TUBB8: variants seen among roughly 807,000 people sequenced by gnomAD.
The protein encoded by TUBB8 is tubulin beta-8 chain.
TUBB8 carries 25 observed loss-of-function variants against 33.7 expected under a neutral mutation model. The observed-to-expected ratio is 0.74, with a 90% confidence interval of 0.54 to 1.04. TUBB8 has a LOEUF of 1.04. TUBB8 is among the 50% of genes least tolerant of loss of function. TUBB8 has a pLI of 0.00. For synonymous variants in TUBB8, 245 were observed against 240.1 expected (o/e 1.02, Z -0.19); for missense variants, 279 against 608.0 (o/e 0.46, Z 5.69).
chr10:55,909 C>A (rs1834524615), intron 1 of TUBB8, among the ~76,000 whole-genome samples: 2 of 152,218 alleles, frequency 1.3e-5, no homozygotes, highest in East Asian at 1.9e-4. Context: ...TAATTTAAAA[C>A]CAGGTAATGG....
upstream of TUBB8, among the ~76,000 whole-genome samples, chr10:53,269 A>G (rs1834490959): frequency 3.3e-5 from 5 of 152,332 alleles, 2 homozygotes; most frequent in South Asian, 1.0e-3. Context: ...CTGGGATTAC[A>G]GGCATGAATC....
chr10:50,791 G>A (rs1346128047), upstream of TUBB8, among the ~76,000 whole-genome samples: 2 of 152,208 alleles, frequency 1.3e-5, no homozygotes, highest in African/African-American at 4.8e-5. Context: ...TGCTGAGGTC[G>A]AAGCCAGCAA....
chr10:57,714 T>C (rs1325402389), intron 1 of TUBB8, among the ~76,000 whole-genome samples: 1 of 152,220 alleles, frequency 6.6e-6, no homozygotes, highest in African/African-American at 2.4e-5. Flanking sequence ...GAAACTATTC[T>C]CTTCTTTTAG....
At chr10:71,388 C>T (rs1554742300) in intron 1 of TUBB8, among the ~76,000 whole-genome samples, 2 of 152,072 alleles carry the variant, frequency 1.3e-5, no homozygotes, top group African/African-American at 2.4e-5. Context: ...ATCCCCAGCA[C>T]TTTGGGGAGG....
At chr10:74,381 C>G (rs1246283392), upstream of TUBB8, among the ~76,000 whole-genome samples, 1 of 151,402 alleles carries the variant, frequency 6.6e-6, no homozygotes, top group Non-Finnish European at 1.5e-5. Flanking sequence ...AATCCCAGTA[C>G]TTTGGGAGGC....
chr10:73,624 C>CCG (rs1834766830), intron 1 of TUBB8, among the ~76,000 whole-genome samples: 1 of 150,598 alleles, frequency 6.6e-6, no homozygotes, highest in African/African-American at 2.4e-5. Context: ...ACCTGGGAAA[C>CCG]AAGAGCGAAA....
At chr10:53,584 C>A (rs1834494305), upstream of TUBB8, among the ~76,000 whole-genome samples, 2 of 152,164 alleles carry the variant, frequency 1.3e-5, no homozygotes, top group Admixed American at 1.3e-4. Flanking sequence ...TTTAGTAAGG[C>A]CATACCTCTT....
intron 1 of TUBB8, among the ~76,000 whole-genome samples, chr10:56,847 C>T (rs781761361): frequency 7.2e-5 from 11 of 152,300 alleles, no homozygotes; most frequent in African/African-American, 2.6e-4. Context: ...ATCATGACAT[C>T]CCAATAATCC....
chr10:59,908 G>A (rs1834576209), intron 1 of TUBB8, among the ~76,000 whole-genome samples: 2 of 151,940 alleles, frequency 1.3e-5, no homozygotes, highest in Admixed American at 6.6e-5. Context: ...CTAATTTGTT[G>A]GCATACAATT....
At chr10:70,264 T>G (rs1834719408) in intron 1 of TUBB8, among the ~76,000 whole-genome samples, 1 of 85,840 alleles carries the variant, frequency 1.2e-5, no homozygotes, top group Non-Finnish European at 2.7e-5. Context: ...GTTGTTGTTT[T>G]GTTTTGTTTT....
chr10:47,316 C>T lies in TUBB8; in HGVS notation c.1076G>A (p.Arg359Gln), dbSNP rs782110615. The part of the protein sequence containing the change: ...VKTAVCDIPP[R>Q]GLKMSATFIG... ...GAAGGTGGCTGACATTTTTAGCCCCCGGGGTGGGATGTCACAGACGGCTGT... is the reference window on the plus strand; with the variant it reads ...GAAGGTGGCTGACATTTTTAGCCCCTGGGGTGGGATGTCACAGACGGCTGT... The change falls in exon 4 of 4, where the codon CGG becomes CAG. Residue 359 changes from arginine (R) to glutamine (Q), a missense_variant. Transcript: ENST00000568584. The T allele has an allele frequency of 5.6e-6, 9 of 1,613,524 alleles. No homozygotes were observed. Among genetic ancestry groups the T allele is most frequent in the South Asian group, 3.3e-5 (3 of 91,048 alleles).
chr10:59,468 C>T (rs1374079549), intron 1 of TUBB8, among the ~76,000 whole-genome samples: 2 of 152,208 alleles, frequency 1.3e-5, no homozygotes, highest in African/African-American at 2.4e-5. Context: ...GGATTACAGG[C>T]GTGAGCCACT....
chr10:72,709 A>T (rs372610227), intron 1 of TUBB8, among the ~76,000 whole-genome samples: 24 of 146,886 alleles, frequency 1.6e-4, no homozygotes, highest in African/African-American at 2.3e-4. Context: ...AAAAATTAGC[A>T]GGGCATTGTG....
intron 1 of TUBB8, among the ~76,000 whole-genome samples, chr10:66,217 C>A (rs1486834973): frequency 6.6e-6 from 1 of 152,246 alleles, no homozygotes; most frequent in African/African-American, 2.4e-5. Context: ...ATCACAGGAG[C>A]TATCTTATGT....
upstream of TUBB8, among the ~76,000 whole-genome samples, chr10:74,393 G>A (rs1242418245): frequency 6.6e-6 from 1 of 151,256 alleles, no homozygotes; most frequent in Admixed American, 6.6e-5. Flanking sequence ...TTGGGAGGCC[G>A]AGTCGGGCGG....
upstream of TUBB8, among the ~76,000 whole-genome samples, chr10:74,866 A>ATTT (rs573408150): frequency 2.7e-4 from 31 of 115,814 alleles, no homozygotes; most frequent in Non-Finnish European, 4.3e-4. Context: ...GTCTGTGCCA[A>ATTT]TTTTTTTTTT....
chr10:65,262 G>A (rs146486023), intron 1 of TUBB8, among the ~76,000 whole-genome samples: 453 of 152,212 alleles, frequency 3.0e-3, no homozygotes, highest in African/African-American at 0.01. Context: ...CCTCAGGTAT[G>A]TTTTCTTTCT....
upstream of TUBB8, among the ~76,000 whole-genome samples, chr10:53,168 GC>G (rs1288795234): frequency 6.6e-5 from 10 of 152,238 alleles, no homozygotes; most frequent in African/African-American, 2.4e-4. Context: ...TTGGTCTGTT[GC>G]CCAGGCTGGA....
chr10:59,924 T>C (rs1834576414), intron 1 of TUBB8, among the ~76,000 whole-genome samples: 1 of 152,136 alleles, frequency 6.6e-6, no homozygotes, highest in Non-Finnish European at 1.5e-5. Context: ...CAATTACTTA[T>C]AGTAGCCACT....
Sources: allele counts gnomAD v4.1 joint callset (sites outside exome capture counted in the v4.1 genomes callset), GRCh38; gene constraint gnomAD v4.1.1; transcripts MANE v1.5; gene names NCBI Gene and HGNC (gene_info 2026-07-23, HGNC 2026-07-21).